The following NUDCD1 variants were observed in gnomAD, a reference collection of about 807,000 sequenced individuals.
NUDCD1 encodes NudC domain containing 1, also known as nudC domain-containing protein 1.
A neutral mutation model predicts 67.8 loss-of-function variants in NUDCD1; 60 were observed. The ratio of observed to expected loss-of-function variants is 0.88; its 90% CI spans 0.72 to 1.10. The LOEUF (loss-of-function observed/expected upper bound fraction) is 1.10. Among genes scored for constraint, NUDCD1 ranks in the 50% least tolerant of loss-of-function variants. The probability of loss-of-function intolerance (pLI) is 0.00; values close to 1 mark genes in which losing one functional copy is unlikely to be tolerated. For missense variants in NUDCD1, 643 were observed against 695.0 expected, an observed-to-expected ratio of 0.93 and a Z score of 0.84; for synonymous variants, 244 against 230.8, an observed-to-expected ratio of 1.06 and a Z score of -0.52.
At chr8:109,322,003 T>C (rs1815551360) in intron 2 of NUDCD1, among the ~76,000 whole-genome samples, 1 of 152,130 alleles carries the variant, frequency 6.6e-6, no homozygotes, top group South Asian at 2.1e-4. Flanking sequence ...TTCATCATTA[T>C]AGTTGGGGAC....
At chr8:109,311,751 T>G (rs1301958752) in intron 2 of NUDCD1, among the ~76,000 whole-genome samples, 3 of 151,542 alleles carry the variant, frequency 2.0e-5, no homozygotes, top group African/African-American at 7.3e-5. Flanking sequence ...AATGACACAA[T>G]GGACTTTGAG....
chr8:109,270,079 G>GGT (rs1563665905), intron 8 of NUDCD1, among the ~76,000 whole-genome samples: 3 of 58,588 alleles, frequency 5.1e-5, no homozygotes, highest in South Asian at 6.9e-4. Context: ...GGGGGGGGGG[G>GGT]GGGTGCCTTA....
intron 8 of NUDCD1, among the ~76,000 whole-genome samples, chr8:109,255,993 G>C (rs1444929674): frequency 6.6e-6 from 1 of 151,824 alleles, no homozygotes; most frequent in Non-Finnish European, 1.5e-5. Context: ...AAGATTACTT[G>C]AAAGTTCAGG....
chr8:109,317,877 A>G (rs1307684251), intron 2 of NUDCD1, among the ~76,000 whole-genome samples: 2 of 152,214 alleles, frequency 1.3e-5, no homozygotes, highest in African/African-American at 2.4e-5. Flanking sequence ...ACTGAAGCCA[A>G]GGATATATGG....
At chr8:109,287,918 T>A (rs180795036) in intron 5 of NUDCD1, among the ~76,000 whole-genome samples, 19 of 152,302 alleles carry the variant, frequency 1.2e-4, no homozygotes, top group Admixed American at 6.5e-4. Flanking sequence ...TTCTCTCAAT[T>A]ACTGGTTGCT....
intron 2 of NUDCD1, among the ~76,000 whole-genome samples, chr8:109,310,692 G>C (rs1244644066): frequency 6.6e-6 from 1 of 151,906 alleles, no homozygotes; most frequent in Non-Finnish European, 1.5e-5. Context: ...AACCTATAGA[G>C]TGGGAGAAAA....
intron 2 of NUDCD1, among the ~76,000 whole-genome samples, chr8:109,322,006 T>C (rs190688036): frequency 1.3e-5 from 2 of 152,136 alleles, no homozygotes; most frequent in African/African-American, 4.8e-5. Flanking sequence ...ATCATTATAG[T>C]TGGGGACAAC....
intron 2 of NUDCD1, among the ~76,000 whole-genome samples, chr8:109,306,858 T>C (rs1815119518): frequency 6.6e-6 from 1 of 151,954 alleles, no homozygotes; most frequent in African/African-American, 2.4e-5. Flanking sequence ...CAACAAAATC[T>C]TTCCTCAGTT....
chr8:109,244,342 A>G (rs1253008000), intron 9 of NUDCD1, among the ~76,000 whole-genome samples: 1 of 152,106 alleles, frequency 6.6e-6, no homozygotes, highest in African/African-American at 2.4e-5. Context: ...GAATTCCCCT[A>G]TAATAGGGGA....
At chr8:109,245,117 T>C (rs1813462661) in intron 9 of NUDCD1, among the ~76,000 whole-genome samples, 1 of 152,024 alleles carries the variant, frequency 6.6e-6, no homozygotes, top group Admixed American at 6.6e-5. Context: ...GTGTTGATCT[T>C]CTGTACAAGC....
At chr8:109,278,944 C>T (rs1376658396) in intron 6 of NUDCD1, among the ~76,000 whole-genome samples, 3 of 151,926 alleles carry the variant, frequency 2.0e-5, no homozygotes, top group East Asian at 1.9e-4. Context: ...TTTGGGAGGT[C>T]GAAGCAGGCA....
In NUDCD1 at chr8:109,281,165, C is replaced by T. The variant is rs556612488; in HGVS notation, c.831G>A (p.Leu277=). The T allele has an allele frequency of 1.4e-5, 22 of 1,609,132 alleles. No homozygotes were observed. The East Asian group carries it at 4.5e-4, about 33-fold the overall frequency. The change falls in exon 6 of 10, where the codon CTG becomes CTA. Residue 277 remains leucine, a synonymous_variant. Transcript: ENST00000239690. ...EDISEKIKEP[L]YYWQQTEDDL... Reference sequence around the variant, plus strand: ...CATCTTCAGTCTGTTGCCAGTAATACAGAGGTTCTATTGGGAAAAGAAAAA... The same window carrying T: ...CATCTTCAGTCTGTTGCCAGTAATATAGAGGTTCTATTGGGAAAAGAAAAA...
Position 109,295,229 on chromosome 8 carries a change from C to T in NUDCD1, c.459+1155G>A, listed in dbSNP as rs1404182345. Among the ~76,000 whole-genome samples the T allele has an allele frequency of 3.3e-5, 5 of 152,226 alleles. No individual in the cohort carries two copies. In the East Asian group the frequency reaches 9.6e-4, roughly 29 times the overall value. Reference sequence around the variant, plus strand: ...TGAAAGTGAGCCAAGTAGGTTTGTCCTGTTCAAAATCTACAGAATCCATAC... The same window carrying T: ...TGAAAGTGAGCCAAGTAGGTTTGTCTTGTTCAAAATCTACAGAATCCATAC... On this transcript the variant is annotated intron_variant, in intron 3 of 9. Coordinates refer to ENST00000239690, the MANE Select transcript of NUDCD1 (RefSeq NM_032869.4).
At position 109,313,708 on chromosome 8, in the gene NUDCD1, T is replaced by A. The variant is rs188216599; in HGVS notation, c.273+8601A>T. ...TGCATTTAATCTAATAAACCATTAC[T>A]GGGAAGAACGTAGAGATAAACTTGT... On this transcript the variant is annotated intron_variant, in intron 2 of 9. Coordinates refer to ENST00000239690, the MANE Select transcript of NUDCD1 (RefSeq NM_032869.4). 12 of 447,948 alleles carry A rather than the reference T, an allele frequency of 2.7e-5. No individual in the cohort carries two copies. In the East Asian group the frequency reaches 8.4e-4, roughly 31 times the overall value. The allele number at this position is 447,948 out of a possible 1,614,324, so 27.7% of individuals were successfully genotyped here. A position where few individuals can be genotyped will look rare whatever the true frequency, so the allele number is the denominator to read the frequency against.
At chr8:109,291,935 C>T (rs560463690) in intron 4 of NUDCD1, among the ~76,000 whole-genome samples, 2 of 152,152 alleles carry the variant, frequency 1.3e-5, no homozygotes, top group South Asian at 4.1e-4. Context: ...TTTTGAATTA[C>T]GTACCTTAAA....
chr8:109,253,576 C>A (rs773647649), intron 8 of NUDCD1, among the ~76,000 whole-genome samples: 1 of 152,156 alleles, frequency 6.6e-6, no homozygotes, highest in Admixed American at 6.5e-5. Flanking sequence ...TCCATATATG[C>A]TCACATCATG....
chr8:109,248,542 T>G (rs1419525878), intron 8 of NUDCD1, among the ~76,000 whole-genome samples: 1 of 152,190 alleles, frequency 6.6e-6, no homozygotes, highest in East Asian at 1.9e-4. Flanking sequence ...TTAGAATAAT[T>G]GGCTGAAGAT....
chr8:109,319,011 GC>G (rs1815470206), intron 2 of NUDCD1, among the ~76,000 whole-genome samples: 1 of 148,290 alleles, frequency 6.7e-6, no homozygotes, highest in Non-Finnish European at 1.5e-5. Context: ...AGGCTGGAGT[GC>G]AGTGGTGCGA....
chr8:109,267,669 G>C (rs1462693261), intron 8 of NUDCD1, among the ~76,000 whole-genome samples: 1 of 152,156 alleles, frequency 6.6e-6, no homozygotes, highest in Non-Finnish European at 1.5e-5. Flanking sequence ...ACTAATTGAA[G>C]TTAAACCAGC....
Sources: gnomAD v4.1 joint callset for allele counts (sites outside exome capture counted in the v4.1 genomes callset) on GRCh38, gnomAD v4.1.1 for gene constraint, MANE v1.5 for transcripts, NCBI Gene and HGNC (gene_info 2026-07-23, HGNC 2026-07-21) for gene names.